Variants in SCRG1 observed in about 807,000 individuals in gnomAD.
SCRG1 encodes scrapie-responsive protein 1.
Under a neutral mutation model 7.7 loss-of-function variants are expected in SCRG1, and 3 were observed. The observed-to-expected ratio is 0.39, with a 90% CI of 0.18 to 1.01. The LOEUF (loss-of-function observed/expected upper bound fraction) is 1.01, where lower values mean the gene tolerates loss of function less well. SCRG1 is among the 50% of genes least tolerant of loss of function. SCRG1 has a pLI of 0.36. For synonymous variants in SCRG1, 46 were observed against 41.2 expected, an observed-to-expected ratio of 1.12 and a Z score of -0.44; for missense variants, 110 against 117.2, an observed-to-expected ratio of 0.94 and a Z score of 0.28.
At position 173,405,152 on chromosome 4, in the gene SCRG1, G is replaced by T. The variant is rs548801563; in HGVS notation, c.-747-720C>A. On this transcript the variant is annotated intron_variant and NMD_transcript_variant, in intron 1 of 8. Coordinates refer to the SCRG1 transcript ENST00000512188. Reference sequence around the variant, plus strand: ...TTGTAGTGTCTCTTCAGGCTCCTCAGTGTCTCCGACTTTGCCTGTTTTTGA... The same window carrying T: ...TTGTAGTGTCTCTTCAGGCTCCTCATTGTCTCCGACTTTGCCTGTTTTTGA... Among the ~76,000 whole-genome samples, 47 of 152,276 alleles carry T rather than the reference G, an allele frequency of 3.1e-4. No homozygotes were observed. The South Asian group carries it at 7.9e-3, about 26-fold the overall frequency.
the SCRG1 span, among the ~76,000 whole-genome samples, chr4:173,483,728 ATCATATATATGATATATTATATG>A: frequency 2.1e-5 from 1 of 46,760 alleles, no homozygotes; most frequent in African/African-American, 8.3e-5. Flanking sequence ...ATTGTGATAT[ATCATATATATGATATATTATATG>A]TGATATATCA....
chr4:173,419,385 C>T, the SCRG1 span: 4 of 1,190,888 alleles, frequency 3.4e-6, no homozygotes, highest in Non-Finnish European at 4.8e-6. Flanking sequence ...TTTTCATAGA[C>T]TGGATTCTCT....
the SCRG1 span, among the ~76,000 whole-genome samples, chr4:173,443,602 A>AT: frequency 6.6e-6 from 1 of 152,116 alleles, no homozygotes; most frequent in Non-Finnish European, 1.5e-5. Flanking sequence ...TTTCTTTGGA[A>AT]TTTTTTTCTT....
At chr4:173,482,403 T>A in the SCRG1 span, among the ~76,000 whole-genome samples, 1 of 152,110 alleles carries the variant, frequency 6.6e-6, no homozygotes, top group African/African-American at 2.4e-5. Context: ...TGAGGGGAAG[T>A]GTGGTAAATT....
the SCRG1 span, among the ~76,000 whole-genome samples, chr4:173,460,958 C>T: frequency 6.6e-6 from 1 of 152,262 alleles, no homozygotes; most frequent in Admixed American, 6.5e-5. Context: ...GGTGATGGTG[C>T]CTACCAGGGG....
the SCRG1 span, among the ~76,000 whole-genome samples, chr4:173,442,480 G>A: frequency 3.3e-5 from 5 of 152,142 alleles, no homozygotes; most frequent in East Asian, 1.9e-4. Flanking sequence ...TGGAACTCAC[G>A]AGATATCTGG....
the SCRG1 span, among the ~76,000 whole-genome samples, chr4:173,473,484 ATGGAGGGAACAGATGATCTAGCTGT>A: frequency 6.6e-6 from 1 of 152,206 alleles, no homozygotes; most frequent in African/African-American, 2.4e-5. Flanking sequence ...AGGAGTGCCC[ATGGAGGGAACAGATGATCTAGCTGT>A]TGGAGGGTGG....
chr4:173,441,053 G>A, the SCRG1 span, among the ~76,000 whole-genome samples: 2 of 151,674 alleles, frequency 1.3e-5, no homozygotes, highest in Admixed American at 1.3e-4. Context: ...TAATTTGGGG[G>A]TGGGTGGGGG....
the SCRG1 span, among the ~76,000 whole-genome samples, chr4:173,477,287 G>A: frequency 6.6e-6 from 1 of 152,084 alleles, no homozygotes; most frequent in African/African-American, 2.4e-5. Context: ...TGAAACACAT[G>A]GGTAGTCTGA....
chr4:173,426,089 C>G, the SCRG1 span, among the ~76,000 whole-genome samples: 1 of 152,186 alleles, frequency 6.6e-6, no homozygotes, highest in Non-Finnish European at 1.5e-5. Context: ...TTCAGAGAAA[C>G]AGTGGAAAAA....
At chr4:173,486,988 A>T in the SCRG1 span, among the ~76,000 whole-genome samples, 1 of 152,138 alleles carries the variant, frequency 6.6e-6, no homozygotes, top group Non-Finnish European at 1.5e-5. Context: ...AGATGAAATT[A>T]TCATTTGGGT....
the SCRG1 span, among the ~76,000 whole-genome samples, chr4:173,432,407 C>T: frequency 4.1e-5 from 6 of 145,722 alleles, no homozygotes; most frequent in East Asian, 1.2e-3. Flanking sequence ...ACTCCTCCTT[C>T]TCCTCCCTCT....
At chr4:173,453,805 G>T in the SCRG1 span, among the ~76,000 whole-genome samples, 12 of 152,156 alleles carry the variant, frequency 7.9e-5, no homozygotes, top group African/African-American at 2.9e-4. Flanking sequence ...AGCTGGGTGT[G>T]GTGGCTCATG....
chr4:173,498,040 C>T, the SCRG1 span, among the ~76,000 whole-genome samples: 3 of 152,152 alleles, frequency 2.0e-5, no homozygotes, highest in African/African-American at 7.2e-5. Context: ...CAATATCCAT[C>T]ATTTGGGAGT....
At chr4:173,466,631 TAAAG>T in the SCRG1 span, among the ~76,000 whole-genome samples, 8 of 152,144 alleles carry the variant, frequency 5.3e-5, no homozygotes, top group Admixed American at 4.6e-4. Context: ...GACAAAAACT[TAAAG>T]AAAGAGTCCA....
chr4:173,518,080 C>T, the SCRG1 span, among the ~76,000 whole-genome samples: 3 of 152,250 alleles, frequency 2.0e-5, no homozygotes, highest in Non-Finnish European at 4.4e-5. Context: ...AAAGAAATTG[C>T]CTATCCTTAA....
the SCRG1 span, among the ~76,000 whole-genome samples, chr4:173,498,968 A>G: frequency 6.6e-6 from 1 of 152,196 alleles, no homozygotes; most frequent in Non-Finnish European, 1.5e-5. Flanking sequence ...TTCATGTTTA[A>G]TTGGCTCCAT....
the SCRG1 span, among the ~76,000 whole-genome samples, chr4:173,464,404 T>C: frequency 1.3e-5 from 2 of 152,222 alleles, no homozygotes; most frequent in African/African-American, 4.8e-5. Context: ...GAAGCACCAC[T>C]AATTGTACCT....
At chr4:173,389,090 T>C (rs2126912499) in intron 2 of SCRG1, among the ~76,000 whole-genome samples, 1 of 152,312 alleles carries the variant, frequency 6.6e-6, no homozygotes, top group South Asian at 2.1e-4. Context: ...CATGGCATTT[T>C]AATATTAGTT....
Sources: gnomAD v4.1 joint callset for allele counts (sites outside exome capture counted in the v4.1 genomes callset) on GRCh38, gnomAD v4.1.1 for gene constraint, MANE v1.5 for transcripts, NCBI Gene and HGNC (gene_info 2026-07-23, HGNC 2026-07-21) for gene names.